The following POMGNT1 variants were observed in gnomAD, a reference collection of about 807,000 sequenced individuals.
The protein encoded by POMGNT1 is protein O-linked mannose N-acetylglucosaminyltransferase 1 (beta 1,2-), also known as protein O-linked-mannose beta-1,2-N-acetylglucosaminyltransferase 1.
POMGNT1 carries 67 observed loss-of-function variants against 95.6 expected under a neutral mutation model. The observed-to-expected ratio is 0.70, with a 90% CI of 0.58 to 0.86. The LOEUF is 0.86. Ranked by LOEUF, POMGNT1 falls within the 40% of genes least tolerant of loss-of-function variation. The pLI is 0.00. For synonymous variants in POMGNT1, 298 were observed against 317.9 expected, an observed-to-expected ratio of 0.94 and a Z score of 0.66; for missense variants, 719 against 855.2, an observed-to-expected ratio of 0.84 and a Z score of 1.99.
intron 1 of POMGNT1, among the ~76,000 whole-genome samples, chr1:46,214,282 G>A (rs553532373): frequency 4.6e-5 from 7 of 151,700 alleles, no homozygotes; most frequent in African/African-American, 9.7e-5. Context: ...GGAGGTAGAG[G>A]TTGCAGTGAG....
chr1:46,189,324 G>A lies in POMGNT1; in HGVS notation c.1929C>T (p.Phe643=), dbSNP rs2148161920. 2 of 1,613,892 alleles carry A rather than the reference G, an allele frequency of 1.2e-6. No individual in the cohort carries two copies. Among genetic ancestry groups the A allele is most frequent in the South Asian group, 1.1e-5 (1 of 91,068 alleles). ...CCTCCTCCTTTGGGGGTGGCTCCAG[G>A]AAAATTGGGGTGACTGAGGGTGGCT... ...VKKPPSVTPI[F]LEPPPKEEGA... The change falls in exon 22 of 22, where the codon TTC becomes TTT. Residue 643 remains phenylalanine, a synonymous_variant. Transcript: ENST00000371984.
chr1:46,194,705 T>C, intron 7 of POMGNT1, 54 bp from the exon 8 acceptor site: 1 of 1,614,048 alleles, frequency 6.2e-7, no homozygotes, highest in South Asian at 1.1e-5. Context: ...GTTTGGGGGC[T>C]TTTTCCCATC....
intron 1 of POMGNT1, among the ~76,000 whole-genome samples, chr1:46,216,043 CTTTTTTTTTTTT>C (rs141982741): frequency 1.8e-4 from 17 of 92,540 alleles, no homozygotes; most frequent in Non-Finnish European, 2.7e-4. Context: ...TTTATTTTAT[CTTTTTTTTTTTT>C]TTTTTTTTTT....
upstream of POMGNT1, among the ~76,000 whole-genome samples, chr1:46,202,710 A>AAAAAAAAAAAAAAAAAAAAAAAAAAC: frequency 6.7e-6 from 1 of 150,120 alleles, no homozygotes; most frequent in African/African-American, 2.4e-5. Context: ...AAAAAAAAAA[A>AAAAAAAAAAAAAAAAAAAAAAAAAAC]AAAAAAAAAA....
At chr1:46,207,814 A>G (rs1319471941) in intron 1 of POMGNT1, among the ~76,000 whole-genome samples, 1 of 152,032 alleles carries the variant, frequency 6.6e-6, no homozygotes, top group Non-Finnish European at 1.5e-5. Context: ...CTGGGATTAC[A>G]GGCATGAGCC....
intron 1 of POMGNT1, among the ~76,000 whole-genome samples, chr1:46,209,267 A>G (rs1014737866): frequency 8.5e-4 from 129 of 152,216 alleles, no homozygotes; most frequent in African/African-American, 2.9e-3. Flanking sequence ...CAGGTGATCC[A>G]TCCGCCTTGG....
At position 46,193,587 on chromosome 1, in the gene POMGNT1, C is replaced by T; in HGVS notation, c.1003G>A (p.Val335Ile). 6.2e-7 allele frequency: 1 copy of T among 1,614,208 alleles called. No homozygotes were observed. Among genetic ancestry groups the T allele is most frequent in the Non-Finnish European group, 8.5e-7 (1 of 1,180,022 alleles). The part of the protein sequence containing the change: ...AQGVSPQMIT[V>I]FIDGYYEEPM... Reference sequence around the variant, plus strand: ...ACCTCATAGTAGCCGTCAATGAAAACTGTTATCATCTGAGGAGACACCCCC... The same window carrying T: ...ACCTCATAGTAGCCGTCAATGAAAATTGTTATCATCTGAGGAGACACCCCC... The change falls in exon 11 of 22, where the codon GTT (valine) becomes ATT (isoleucine). Residue 335 changes from valine to isoleucine, a missense_variant. Around this residue, in one of 5 missense-constraint regions of POMGNT1, gnomAD observed 466 missense variants for 517.4 expected, o/e 0.90. Coordinates refer to ENST00000371984, the MANE Select transcript of POMGNT1 (RefSeq NM_017739.4).
intron 1 of POMGNT1, chr1:46,203,716 G>T (rs1011767758): frequency 4.6e-6 from 6 of 1,305,666 alleles, no homozygotes; most frequent in Non-Finnish European, 6.2e-6. Flanking sequence ...CTGGAGAGGA[G>T]GTAGTTAAAA....
At chr1:46,215,566 G>A (rs1438447754) in intron 1 of POMGNT1, among the ~76,000 whole-genome samples, 2 of 152,204 alleles carry the variant, frequency 1.3e-5, no homozygotes, top group Admixed American at 1.3e-4. Flanking sequence ...ATCAGGGATT[G>A]GAATGGCATT....
chr1:46,215,910 T>C (rs1659050415), intron 1 of POMGNT1, among the ~76,000 whole-genome samples: 1 of 151,978 alleles, frequency 6.6e-6, no homozygotes, highest in Non-Finnish European at 1.5e-5. Flanking sequence ...AAAAATAAAA[T>C]ACGACAATGG....
At chr1:46,211,695 T>C (rs1658901046) in intron 1 of POMGNT1, among the ~76,000 whole-genome samples, 1 of 152,210 alleles carries the variant, frequency 6.6e-6, no homozygotes, top group Non-Finnish European at 1.5e-5. Flanking sequence ...ATATGGCTCA[T>C]TAATGGCAAA....
chr1:46,192,972 G>A lies in POMGNT1; in HGVS notation c.1153-14C>T. On this transcript the variant is annotated splice_polypyrimidine_tract_variant and intron_variant, in intron 13 of 21. Transcript: ENST00000371984. ...AAACTTGGCCTCCTAGAAGGGGAATGGGACATCATGGTCCCAAAGGGGTCT... is the reference window on the plus strand; with the variant it reads ...AAACTTGGCCTCCTAGAAGGGGAATAGGACATCATGGTCCCAAAGGGGTCT... 2 of 1,614,152 alleles carry A rather than the reference G, an allele frequency of 1.2e-6. 1 individual carries two copies. The highest frequency in any genetic ancestry group is 2.2e-5 in the South Asian group (2 of 91,078).
In POMGNT1 at chr1:46,194,887, G is replaced by GAATCT. The variant is rs1658101274; in HGVS notation, c.608_609insAGATT (p.Leu204AspfsTer39). ...AGGCCCATGTGTCCCTCCAGCCCAGGGCAGGGCCAGCCTGGCTGCCCAGGC... is the reference window on the plus strand; with the variant it reads ...AGGCCCATGTGTCCCTCCAGCCCAGGAATCTGCAGGGCCAGCCTGGCTGCCCAGGC... On this transcript the variant is annotated frameshift_variant, in exon 7 of 22. Coordinates refer to ENST00000371984, the MANE Select transcript of POMGNT1 (RefSeq NM_017739.4). LOFTEE classifies it high-confidence loss of function. The GAATCT allele has an allele frequency of 1.2e-6, 2 of 1,614,028 alleles. No homozygotes were observed. The highest frequency in any genetic ancestry group is 2.7e-5 in the African/African-American group (2 of 74,932).
chr1:46,201,907 G>T (rs1208378544), upstream of POMGNT1, among the ~76,000 whole-genome samples: 1 of 150,932 alleles, frequency 6.6e-6, no homozygotes, highest in East Asian at 2.0e-4. Context: ...GAGGCAGGAG[G>T]ATTGCTTGAG....
chr1:46,197,754 A>G lies in POMGNT1; in HGVS notation c.68T>C (p.Leu23Pro). 1 of 1,614,134 alleles carries G rather than the reference A, an allele frequency of 6.2e-7. No individual in the cohort carries two copies. ...GTTTGTCAGTTTATACTTCCAGGTA[A>G]GGTACCAGCTCCGCTTCTTCCGAGC... Reference protein sequence around the residue: ...FGARKKRSWYLTWKYKLTNQR... With the variant: ...FGARKKRSWYPTWKYKLTNQR... Residue 23 changes from leucine (L) to proline (P), a missense_variant, in exon 2 of 22, where the codon CTT becomes CCT. Around this residue, in one of 5 missense-constraint regions of POMGNT1, gnomAD observed 466 missense variants for 517.4 expected, o/e 0.90. Transcript: ENST00000371984.
Position 46,189,032 on chromosome 1 carries a change from G to C in POMGNT1, c.*238C>G, listed in dbSNP as rs1322611013. On this transcript the variant is annotated 3_prime_UTR_variant, in exon 22 of 22. Coordinates refer to ENST00000371984, the MANE Select transcript of POMGNT1 (RefSeq NM_017739.4). ...AGGATGAGCTGCTAGGGATCGTAAT[G>C]ATTCCCAGGTACTCTCCTGCCCTTC... 1.3e-6 allele frequency: 2 copies of C among 1,571,536 alleles called. No homozygotes were observed. The highest frequency in any genetic ancestry group is 8.6e-7 in the Non-Finnish European group (1 of 1,160,588).
At chr1:46,200,323 C>T (rs1658500369), upstream of POMGNT1, among the ~76,000 whole-genome samples, 1 of 152,176 alleles carries the variant, frequency 6.6e-6, no homozygotes, top group South Asian at 2.1e-4. Flanking sequence ...CAGTTCTAAC[C>T]TCTTTCCTGA....
intron 11 of POMGNT1, 86 bp downstream of exon 11, chr1:46,193,478 C>G (rs1657957053): frequency 1.2e-6 from 2 of 1,610,994 alleles, no homozygotes; most frequent in African/African-American, 1.3e-5. Context: ...ACAGCCCTTG[C>G]CTGGGCGGTC....
rs773132049 is a variant in POMGNT1, at chr1:46,189,367, T to C, written c.1896-10A>G. 2 of 1,613,910 alleles carry C rather than the reference T, an allele frequency of 1.2e-6. No homozygotes were observed. The highest frequency in any genetic ancestry group is 2.2e-5 in the South Asian group (2 of 91,070). On this transcript the variant is annotated splice_polypyrimidine_tract_variant and intron_variant, in intron 21 of 21. Coordinates refer to ENST00000371984, the MANE Select transcript of POMGNT1 (RefSeq NM_017739.4). ...GGGTGGCTTCTTCACTCTGGGAAAA[T>C]AATACAAGAATGTATAGAGAAGAAG...
Sources: gnomAD v4.1 joint callset for allele counts (sites outside exome capture counted in the v4.1 genomes callset) on GRCh38, gnomAD v4.1.1 for gene constraint, gnomAD v4.1.1 regional missense constraint, MANE v1.5 for transcripts, NCBI Gene and HGNC (gene_info 2026-07-23, HGNC 2026-07-21) for gene names.